The following ZNF804A variants were observed in gnomAD, a reference collection of about 807,000 sequenced individuals.
ZNF804A encodes zinc finger protein 804A.
A neutral mutation model predicts 16.5 loss-of-function variants in ZNF804A; 2 were observed. The observed-to-expected ratio is 0.12, with a 90% CI of 0.05 to 0.38. The LOEUF is 0.38. ZNF804A is among the 10% of genes least tolerant of loss of function. The pLI, the probability that ZNF804A is intolerant of heterozygous loss-of-function variation, is 0.99. For synonymous variants in ZNF804A, 534 were observed against 489.6 expected (o/e 1.09, Z -1.20); for missense variants, 1,473 against 1,390.7 (o/e 1.06, Z -0.94).
chr2:184,797,673 G>T (rs1297965415), intron 1 of ZNF804A, among the ~76,000 whole-genome samples: 1 of 152,088 alleles, frequency 6.6e-6, no homozygotes, highest in East Asian at 1.9e-4. Flanking sequence ...GCTATTTGTT[G>T]CCTGTTACAT....
intron 1 of ZNF804A, among the ~76,000 whole-genome samples, chr2:184,724,402 T>C (rs1023492534): frequency 1.1e-4 from 17 of 151,614 alleles, no homozygotes; most frequent in African/African-American, 3.9e-4. Context: ...ATATTTCCCA[T>C]AGGAAGCACA....
chr2:184,628,702 A>G (rs994675663), intron 1 of ZNF804A, among the ~76,000 whole-genome samples: 15 of 152,130 alleles, frequency 9.9e-5, no homozygotes. Flanking sequence ...AATTGATGGT[A>G]CAGAATCGTG....
intron 1 of ZNF804A, among the ~76,000 whole-genome samples, chr2:184,701,435 T>C (rs919534542): frequency 6.6e-6 from 1 of 152,018 alleles, no homozygotes; most frequent in Non-Finnish European, 1.5e-5. Context: ...ATATACCTTC[T>C]TTTCTTCAAA....
chr2:184,868,618 G>C (rs894270198), intron 2 of ZNF804A, among the ~76,000 whole-genome samples: 1 of 152,056 alleles, frequency 6.6e-6, no homozygotes, highest in Admixed American at 6.6e-5. Context: ...TGCATAAAGA[G>C]AGAACAAAAC....
chr2:184,773,806 A>G (rs771068243), intron 1 of ZNF804A, among the ~76,000 whole-genome samples: 1 of 151,950 alleles, frequency 6.6e-6, no homozygotes, highest in Non-Finnish European at 1.5e-5. Flanking sequence ...TGAAATAAAA[A>G]TTTTTTAAAA....
At chr2:184,766,235 T>C (rs958838655) in intron 1 of ZNF804A, among the ~76,000 whole-genome samples, 1 of 152,136 alleles carries the variant, frequency 6.6e-6, no homozygotes, top group Non-Finnish European at 1.5e-5. Flanking sequence ...TGAATAAATA[T>C]CAAAATTATT....
intron 1 of ZNF804A, among the ~76,000 whole-genome samples, chr2:184,717,039 C>T (rs1693226049): frequency 6.6e-6 from 1 of 152,028 alleles, no homozygotes; most frequent in South Asian, 2.1e-4. Context: ...TAATAAACAC[C>T]AAGCACTACA....
intron 1 of ZNF804A, among the ~76,000 whole-genome samples, chr2:184,750,102 T>A (rs543660223): frequency 6.6e-6 from 1 of 151,548 alleles, no homozygotes; most frequent in East Asian, 1.9e-4. Context: ...TTCTTTGTAC[T>A]AATTTTTTAT....
rs971880924 is a variant in ZNF804A, at chr2:184,760,968, T to C, written c.112-105401T>C. 3.9e-5 allele frequency among the ~76,000 whole-genome samples: 6 copies of C among 152,286 alleles called. No homozygotes were observed. In the South Asian group the frequency reaches 1.2e-3, roughly 32 times the overall value. On this transcript the variant is annotated intron_variant, in intron 1 of 3. Transcript: ENST00000302277. ...GCATATCTAACTGTTAGCTACAATT[T>C]AACTTGCATTTAATTTCCTTTTCTC... is the stretch of plus-strand genomic sequence containing the variant.
chr2:184,725,393 C>T (rs1693392846), intron 1 of ZNF804A, among the ~76,000 whole-genome samples: 1 of 151,560 alleles, frequency 6.6e-6, no homozygotes, highest in Non-Finnish European at 1.5e-5. Flanking sequence ...AACTATGTAA[C>T]ATTTTATTTT....
At chr2:184,746,570 G>C (rs969090943) in intron 1 of ZNF804A, among the ~76,000 whole-genome samples, 1 of 150,842 alleles carries the variant, frequency 6.6e-6, no homozygotes, top group Non-Finnish European at 1.5e-5. Context: ...TACTCTTTTG[G>C]TTATTTTAAA....
rs143929267 is a variant in ZNF804A, at chr2:184,860,872, G to A, written c.112-5497G>A. ...GGCAATGGCCAAGCTCAGTGCTGGC[G>A]CATTCAGGAGTCTTGGGTCTCTGGG... On this transcript the variant is annotated intron_variant, in intron 1 of 3. Coordinates refer to ENST00000302277, the MANE Select transcript of ZNF804A (RefSeq NM_194250.2). Among the ~76,000 whole-genome samples, 308 of 152,360 alleles carry A rather than the reference G, an allele frequency of 2.0e-3. 2 individuals are homozygous for A. Among genetic ancestry groups the A allele is most frequent in the African/African-American group, 7.0e-3 (292 of 41,598 alleles).
chr2:184,645,860 A>G (rs1691862180), intron 1 of ZNF804A, among the ~76,000 whole-genome samples: 1 of 152,148 alleles, frequency 6.6e-6, no homozygotes, highest in Admixed American at 6.5e-5. Flanking sequence ...TCCCATAAAG[A>G]TGTGTGGCTG....
chr2:184,813,279 A>G (rs17431278), intron 1 of ZNF804A, among the ~76,000 whole-genome samples: 21,078 of 152,120 alleles, frequency 0.14, 1,579 homozygotes, highest in Middle Eastern at 0.23. Context: ...CAAAGTCTTT[A>G]TAATCTATTT....
chr2:184,673,845 C>A (rs1692377822), intron 1 of ZNF804A, among the ~76,000 whole-genome samples: 1 of 152,120 alleles, frequency 6.6e-6, no homozygotes, highest in East Asian at 1.9e-4. Flanking sequence ...CAAGGACAGA[C>A]TTTAAAGAAA....
intron 1 of ZNF804A, among the ~76,000 whole-genome samples, chr2:184,829,941 A>AAAAAAC (rs1558975002): frequency 2.7e-5 from 4 of 146,128 alleles, no homozygotes; most frequent in African/African-American, 1.0e-4. Flanking sequence ...AAAAAAAAAA[A>AAAAAAC]ACCACACACA....
At chr2:184,658,200 C>G (rs1273231671) in intron 1 of ZNF804A, among the ~76,000 whole-genome samples, 1 of 152,024 alleles carries the variant, frequency 6.6e-6, no homozygotes, top group African/African-American at 2.4e-5. Context: ...TTTTTCCCCC[C>G]AGGCCAGGTG....
chr2:184,856,600 T>C (rs1199052533), intron 1 of ZNF804A, among the ~76,000 whole-genome samples: 2 of 152,116 alleles, frequency 1.3e-5, no homozygotes, highest in African/African-American at 4.8e-5. Context: ...GCGTATAAAT[T>C]CAGAATCAGG....
intron 2 of ZNF804A, among the ~76,000 whole-genome samples, chr2:184,908,414 C>A (rs66726164): frequency 0.44 from 66,536 of 151,592 alleles, 16,972 homozygotes; most frequent in East Asian, 0.74. Context: ...ACATACAGCC[C>A]AGCATGTAAT....
Sources: gnomAD v4.1 joint callset for allele counts (sites outside exome capture counted in the v4.1 genomes callset) on GRCh38, gnomAD v4.1.1 for gene constraint, MANE v1.5 for transcripts, NCBI Gene and HGNC (gene_info 2026-07-23, HGNC 2026-07-21) for gene names.